Variants in RPS6KA2 observed in about 807,000 individuals in gnomAD.
The protein encoded by RPS6KA2 is ribosomal protein S6 kinase A2, also known as ribosomal protein S6 kinase alpha-2.
RPS6KA2 carries 42 observed loss-of-function variants against 91.8 expected under a neutral mutation model. The observed-to-expected ratio is 0.46, with a 90% CI of 0.36 to 0.59. The LOEUF is 0.59. Ranked by LOEUF, RPS6KA2 falls within the 20% of genes least tolerant of loss-of-function variation. The pLI, the probability that RPS6KA2 is intolerant of heterozygous loss-of-function variation, is 0.00. For synonymous variants in RPS6KA2, 414 were observed against 393.6 expected (o/e 1.05, Z -0.61); for missense variants, 798 against 978.5 (o/e 0.82, Z 2.46).
intron 10 of RPS6KA2, chr6:166,475,777 C>T (rs866675571): frequency 3.8e-6 from 2 of 532,900 alleles, no homozygotes; most frequent in Middle Eastern, 3.2e-4. Context: ...AAATGCCAGT[C>T]TTAGACTCAG....
At chr6:166,424,650 C>T (rs73269249) in intron 16 of RPS6KA2, among the ~76,000 whole-genome samples, 1,656 of 152,232 alleles carry the variant, frequency 0.011, 29 homozygotes, top group African/African-American at 0.036. Context: ...CTGTGCCCCT[C>T]GCCTGCACAG....
chr6:166,657,204 G>A (rs536320569), intron 2 of RPS6KA2, among the ~76,000 whole-genome samples: 1 of 152,262 alleles, frequency 6.6e-6, no homozygotes, highest in South Asian at 2.1e-4. Context: ...GGGCGGGCGA[G>A]GGCATTTCTT....
exon 1 of RPS6KA2, chr6:166,862,355 C>A: frequency 7.0e-7 from 1 of 1,432,404 alleles, no homozygotes; most frequent in South Asian, 1.4e-5. Flanking sequence ...GCGGGGCCTG[C>A]GCCGGCCGGA....
intron 2 of RPS6KA2, among the ~76,000 whole-genome samples, chr6:166,823,804 A>C (rs1165165479): frequency 1.3e-5 from 2 of 152,224 alleles, no homozygotes; most frequent in Non-Finnish European, 2.9e-5. Flanking sequence ...TTATTTGATC[A>C]GCGAAGTTCA....
chr6:166,823,949 T>A (rs1779969653), intron 2 of RPS6KA2, among the ~76,000 whole-genome samples: 1 of 152,156 alleles, frequency 6.6e-6, no homozygotes, highest in Non-Finnish European at 1.5e-5. Context: ...GCACAACCAA[T>A]TTGGAAAAAA....
intron 2 of RPS6KA2, among the ~76,000 whole-genome samples, chr6:166,801,746 T>C (rs372413820): frequency 6.6e-6 from 1 of 152,214 alleles, no homozygotes; most frequent in East Asian, 1.9e-4. Flanking sequence ...CATAAATATA[T>C]TCATGCACAT....
At chr6:166,687,156 G>A (rs188455138) in intron 2 of RPS6KA2, among the ~76,000 whole-genome samples, 2 of 152,374 alleles carry the variant, frequency 1.3e-5, no homozygotes, top group Non-Finnish European at 1.5e-5. Flanking sequence ...TCTGTGGGGA[G>A]TAGCAGCATT....
At chr6:166,778,740 C>T (rs1278948855) in intron 2 of RPS6KA2, among the ~76,000 whole-genome samples, 3 of 152,102 alleles carry the variant, frequency 2.0e-5, no homozygotes, top group Non-Finnish European at 4.4e-5. Flanking sequence ...CACTCCAGCC[C>T]GGGTGACAAG....
chr6:166,639,479 C>T lies in RPS6KA2; in HGVS notation c.124-100695G>A, dbSNP rs1582973801. Among the ~76,000 whole-genome samples, 2 of 152,318 alleles carry T rather than the reference C, an allele frequency of 1.3e-5. No individual in the cohort carries two copies. Among genetic ancestry groups the T allele is most frequent in the East Asian group, 1.9e-4 (1 of 5,188 alleles). On this transcript the variant is annotated intron_variant, in intron 2 of 21. Coordinates refer to the RPS6KA2 transcript ENST00000503859. The surrounding 1 kb of genome is among the most constrained non-coding windows in gnomAD (Gnocchi z 4.2). ...CCTGTGGTCCTGCCACCAGCCTGAT[C>T]CTTCTAGAAGCGAATCTGGTTCAGT...
At chr6:166,697,051 A>G (rs962640429) in intron 2 of RPS6KA2, among the ~76,000 whole-genome samples, 1 of 142,532 alleles carries the variant, frequency 7.0e-6, no homozygotes, top group Middle Eastern at 3.5e-3. Context: ...CTGTGTGTGT[A>G]TATATATGTG....
chr6:166,456,063 T>C (rs1262722625), intron 12 of RPS6KA2, among the ~76,000 whole-genome samples: 1 of 152,242 alleles, frequency 6.6e-6, no homozygotes. Context: ...CACAGTTTCA[T>C]TGGTGAATGG....
At chr6:166,748,662 A>G (rs1411326255) in intron 2 of RPS6KA2, among the ~76,000 whole-genome samples, 451 of 36,994 alleles carry the variant, frequency 0.012, 10 homozygotes, top group South Asian at 0.021. Flanking sequence ...CCACCTCCTC[A>G]GGCCCCCATC....
intron 2 of RPS6KA2, among the ~76,000 whole-genome samples, chr6:166,711,359 TA>T (rs1007939389): frequency 8.0e-5 from 4 of 49,760 alleles, no homozygotes; most frequent in Non-Finnish European, 1.3e-4. Flanking sequence ...GGTTCCAATT[TA>T]AAAAAAAATC....
At chr6:166,451,052 A>T (rs1779894699) in intron 13 of RPS6KA2, 51 bp downstream of exon 13, 1 of 1,608,800 alleles carries the variant, frequency 6.2e-7, no homozygotes, top group African/African-American at 1.3e-5. Flanking sequence ...AGAGTCACCC[A>T]TCATCCAAGT....
At chr6:166,501,804 C>G (rs16899026) in intron 6 of RPS6KA2, among the ~76,000 whole-genome samples, 3,270 of 152,188 alleles carry the variant, frequency 0.021, 131 homozygotes, top group African/African-American at 0.075. Context: ...CCAGCCTAGC[C>G]CTAAAGAGAC....
At chr6:166,651,761 TACA>T (rs1372469632) in intron 2 of RPS6KA2, among the ~76,000 whole-genome samples, 15 of 152,272 alleles carry the variant, frequency 9.9e-5, no homozygotes, top group African/African-American at 3.4e-4. Flanking sequence ...CAGGCACGTA[TACA>T]ACACCATCAA....
intron 2 of RPS6KA2, chr6:166,702,347 T>G: frequency 6.2e-7 from 1 of 1,612,156 alleles, no homozygotes; most frequent in Non-Finnish European, 8.5e-7. Context: ...GGGGTTTTGC[T>G]GGGTGGCCAT....
At chr6:166,609,330 C>A (rs73259029) in intron 1 of RPS6KA2, among the ~76,000 whole-genome samples, 1 of 151,952 alleles carries the variant, frequency 6.6e-6, no homozygotes, top group Admixed American at 6.6e-5. Flanking sequence ...TTTAGATCTA[C>A]TTTCGGGGTT....
Position 166,825,582 on chromosome 6 carries a change from G to C in RPS6KA2, c.123+32618C>G, listed in dbSNP as rs1780031773. On this transcript the variant is annotated intron_variant, in intron 2 of 21. Coordinates refer to the RPS6KA2 transcript ENST00000503859. This position sits in a 1 kb window ranked among gnomAD's most constrained non-coding sequence, Gnocchi z 4.1. The stretch of plus-strand genomic sequence containing the variant: ...TGGGTGGCTTTTAAACAACAGAAAT[G>C]TAGTGGTCCCAGGTCTGGAGGCTGG... Among the ~76,000 whole-genome samples, 1 of 152,080 alleles carries C rather than the reference G, an allele frequency of 6.6e-6. No homozygotes were observed. The highest frequency in any genetic ancestry group is 1.5e-5 in the Non-Finnish European group (1 of 68,028).
Sources: allele counts gnomAD v4.1 joint callset (sites outside exome capture counted in the v4.1 genomes callset), GRCh38; gene constraint gnomAD v4.1.1; non-coding constraint Gnocchi (gnomAD v3.1); transcripts MANE v1.5; gene names NCBI Gene and HGNC (gene_info 2026-07-23, HGNC 2026-07-21).